COL25A1: variants seen among roughly 807,000 people sequenced by gnomAD.
COL25A1 encodes collagen alpha-1(XXV) chain.
Under a neutral mutation model 128.4 loss-of-function variants are expected in COL25A1, and 103 were observed. That is an observed-to-expected ratio of 0.80 (90% confidence interval 0.68 to 0.94). The LOEUF is 0.94. Ranked by LOEUF, COL25A1 falls within the 40% of genes least tolerant of loss-of-function variation. The pLI is 0.00. For missense variants in COL25A1, 745 were observed against 840.0 expected (o/e 0.89, Z 1.40); for synonymous variants, 279 against 277.2 (o/e 1.01, Z -0.06).
At chr4:109,005,315 C>A (rs1561009958) in intron 6 of COL25A1, among the ~76,000 whole-genome samples, 1 of 152,142 alleles carries the variant, frequency 6.6e-6, no homozygotes, top group African/African-American at 2.4e-5. Context: ...CTAAACCATT[C>A]ATGAAATATT....
intron 5 of COL25A1, among the ~76,000 whole-genome samples, chr4:109,035,190 G>A (rs1759224349): frequency 6.6e-6 from 1 of 152,062 alleles, no homozygotes; most frequent in Non-Finnish European, 1.5e-5. Flanking sequence ...AGCCAACAAA[G>A]GCACATCTGA....
intron 3 of COL25A1, among the ~76,000 whole-genome samples, chr4:109,212,325 A>G (rs916621365): frequency 6.6e-6 from 1 of 152,166 alleles, no homozygotes; most frequent in Non-Finnish European, 1.5e-5. Flanking sequence ...AGCTAATGCT[A>G]GCTATCAGCT....
Position 109,117,905 on chromosome 4 carries a change from TA to T in COL25A1, c.368-67727del, listed in dbSNP as rs552496944. Among the ~76,000 whole-genome samples, 11 of 151,586 alleles carry T rather than the reference TA, an allele frequency of 7.3e-5. No individual in the cohort carries two copies. The South Asian group carries it at 2.3e-3, about 32-fold the overall frequency. On this transcript the variant is annotated intron_variant, in intron 3 of 37. Transcript: ENST00000399132. ...AGCAACTACTTAAAACCAGTGTTTTTAAAAAGATAAAAATAAAAAAGAAGTA... is the reference window on the plus strand; with the variant it reads ...AGCAACTACTTAAAACCAGTGTTTTTAAAAGATAAAAATAAAAAAGAAGTA...
At chr4:108,848,699 CA>C (rs1474567800) in intron 27 of COL25A1, 59 bp downstream of exon 27, 10 of 1,231,424 alleles carry the variant, frequency 8.1e-6, no homozygotes, top group Admixed American at 7.0e-5. Flanking sequence ...TTCAAACCTA[CA>C]ATAAAAGTAG....
At chr4:109,113,908 C>T (rs140079984) in intron 3 of COL25A1, among the ~76,000 whole-genome samples, 2 of 152,124 alleles carry the variant, frequency 1.3e-5, no homozygotes, top group East Asian at 3.9e-4. Context: ...TGTCCAGTTC[C>T]TCAATTATAT....
intron 3 of COL25A1, among the ~76,000 whole-genome samples, chr4:109,133,321 T>G (rs1230127471): frequency 6.6e-6 from 1 of 152,142 alleles, no homozygotes; most frequent in Non-Finnish European, 1.5e-5. Context: ...ATGAAAACAC[T>G]AGACCTTATT....
chr4:109,249,850 C>T (rs981977808), intron 3 of COL25A1, among the ~76,000 whole-genome samples: 8 of 152,124 alleles, frequency 5.3e-5, no homozygotes, highest in Admixed American at 3.9e-4. Flanking sequence ...TAAAGTTATA[C>T]TTACTTATAA....
chr4:109,253,683 C>T (rs927552037), intron 3 of COL25A1, among the ~76,000 whole-genome samples: 8 of 152,118 alleles, frequency 5.3e-5, no homozygotes, highest in Admixed American at 1.3e-4. Context: ...CTAACTTTTA[C>T]TCAAAAAATC....
rs767022703 is a variant in COL25A1, at chr4:108,889,764, C to T, written c.907-31G>A. On this transcript the variant is annotated intron_variant, in intron 16 of 37. Transcript: ENST00000399132. ...ACGAAACCCAGGAGAGATTATCTCA[C>T]AAGTTATGGGAATAGGAAACATCAC... 2.5e-6 allele frequency: 4 copies of T among 1,604,424 alleles called. No homozygotes were observed. The African/African-American group carries it at 4.0e-5, about 16-fold the overall frequency.
rs564654641 is a variant in COL25A1, at chr4:108,947,562, T to C, written c.493-6125A>G. Among the ~76,000 whole-genome samples, 3 of 151,904 alleles carry C rather than the reference T, an allele frequency of 2.0e-5. No individual in the cohort carries two copies. The South Asian group carries it at 6.3e-4, about 32-fold the overall frequency. The stretch of plus-strand genomic sequence containing the variant: ...GAGAAGGCAGACCCTTCAAAAGACT[T>C]AGGTTTAAGGGATGAGCAGGGGAAG... On this transcript the variant is annotated intron_variant, in intron 8 of 37. Coordinates refer to ENST00000399132, the MANE Select transcript of COL25A1 (RefSeq NM_198721.4).
At chr4:109,283,803 GA>G (rs1190173211) in intron 3 of COL25A1, among the ~76,000 whole-genome samples, 1 of 152,128 alleles carries the variant, frequency 6.6e-6, no homozygotes, top group Non-Finnish European at 1.5e-5. Context: ...TCTGAAAGTT[GA>G]GAAACACTTT....
intron 19 of COL25A1, among the ~76,000 whole-genome samples, chr4:108,870,170 C>G (rs751477972): frequency 2.4e-4 from 36 of 152,156 alleles, no homozygotes; most frequent in Middle Eastern, 3.4e-3. Flanking sequence ...GCGGGAGGAT[C>G]GTTTGAGCCC....
chr4:108,874,877 T>G (rs1271852581), intron 19 of COL25A1, among the ~76,000 whole-genome samples: 1 of 151,950 alleles, frequency 6.6e-6, no homozygotes, highest in Non-Finnish European at 1.5e-5. Context: ...CTTTAATCCG[T>G]TTTTTTTCCC....
At chr4:108,884,318 T>C in intron 18 of COL25A1, 96 bp from the exon 19 acceptor site, 1 of 1,128,484 alleles carries the variant, frequency 8.9e-7, no homozygotes, top group Non-Finnish European at 1.3e-6. Flanking sequence ...CAATACTTTC[T>C]GCAAAGATAA....
At chr4:108,937,938 G>GAATAAATAATTTAA in intron 10 of COL25A1, 95 bp from the exon 11 acceptor site, 3 of 916,718 alleles carry the variant, frequency 3.3e-6, no homozygotes, top group Non-Finnish European at 5.1e-6. Context: ...GCATGTAAAT[G>GAATAAATAATTTAA]TCAAATATAT....
chr4:109,039,322 C>T lies in COL25A1; in HGVS notation c.420+8846G>A, dbSNP rs1759647821. Among the ~76,000 whole-genome samples, 4 of 152,288 alleles carry T rather than the reference C, an allele frequency of 2.6e-5. 1 individual carries two copies. In the East Asian group the frequency reaches 7.7e-4, roughly 29 times the overall value. On this transcript the variant is annotated intron_variant, in intron 5 of 37. Coordinates refer to ENST00000399132, the MANE Select transcript of COL25A1 (RefSeq NM_198721.4). Reference sequence around the variant, plus strand: ...AATGGCATGCAAAGTACTCCATAGCCTCATCCTGCTCCAATCTCTATTTTT... The same window carrying T: ...AATGGCATGCAAAGTACTCCATAGCTTCATCCTGCTCCAATCTCTATTTTT...
intron 3 of COL25A1, among the ~76,000 whole-genome samples, chr4:109,233,897 T>C (rs374680168): frequency 1.3e-5 from 2 of 152,086 alleles, no homozygotes; most frequent in African/African-American, 4.8e-5. Context: ...CTTCAGATCA[T>C]AGCTACTGCT....
chr4:109,282,191 C>T (rs1723443382), intron 3 of COL25A1, among the ~76,000 whole-genome samples: 1 of 151,152 alleles, frequency 6.6e-6, no homozygotes, highest in Non-Finnish European at 1.5e-5. Context: ...TCATACTAAG[C>T]AATTTTTCAG....
intron 6 of COL25A1, among the ~76,000 whole-genome samples, chr4:109,006,869 G>A (rs1282089639): frequency 6.6e-6 from 1 of 152,038 alleles, no homozygotes. Context: ...GAGAACACAT[G>A]GACTCATTGT....
Sources: allele counts gnomAD v4.1 joint callset (sites outside exome capture counted in the v4.1 genomes callset), GRCh38; gene constraint gnomAD v4.1.1; transcripts MANE v1.5; gene names NCBI Gene and HGNC (gene_info 2026-07-23, HGNC 2026-07-21).